FSTL4: variants seen among roughly 807,000 people sequenced by gnomAD.
FSTL4 encodes follistatin-related protein 4.
FSTL4 carries 28 observed loss-of-function variants against 78.2 expected under a neutral mutation model. That is an observed-to-expected ratio of 0.36 (90% CI 0.27 to 0.49). The LOEUF is 0.49. Among genes scored for constraint, FSTL4 ranks in the 20% least tolerant of loss-of-function variants. FSTL4 has a pLI of 0.98. For synonymous variants in FSTL4, 422 were observed against 440.5 expected, an observed-to-expected ratio of 0.96 and a Z score of 0.53; for missense variants, 922 against 1,084.9, an observed-to-expected ratio of 0.85 and a Z score of 2.11.
chr5:133,217,864 C>T (rs757387338), intron 12 of FSTL4, among the ~76,000 whole-genome samples: 14 of 152,120 alleles, frequency 9.2e-5, no homozygotes, highest in Non-Finnish European at 2.1e-4. Context: ...CCTCCCTCGG[C>T]GGCTGATCCT....
At chr5:133,364,312 G>GT (rs1755132266) in intron 4 of FSTL4, among the ~76,000 whole-genome samples, 1 of 152,164 alleles carries the variant, frequency 6.6e-6, no homozygotes, top group Non-Finnish European at 1.5e-5. Flanking sequence ...GGTGGTGGTG[G>GT]TCACAAGTAA....
At chr5:133,249,698 A>G in intron 6 of FSTL4, 122 bp from the exon 7 acceptor site, 1 of 693,526 alleles carries the variant, frequency 1.4e-6, no homozygotes, top group South Asian at 1.9e-5. Flanking sequence ...CGACTCCCTG[A>G]AAATTGTTTA....
intron 3 of FSTL4, among the ~76,000 whole-genome samples, chr5:133,445,823 T>TTGGGGATTATTTAAG (rs1184679855): frequency 6.6e-6 from 1 of 152,144 alleles, no homozygotes; most frequent in Non-Finnish European, 1.5e-5. Flanking sequence ...GAATTTATAC[T>TTGGGGATTATTTAAG]TGAGTTTTAA....
intron 3 of FSTL4, among the ~76,000 whole-genome samples, chr5:133,561,120 T>C (rs1037409935): frequency 2.7e-5 from 4 of 147,210 alleles, no homozygotes; most frequent in Admixed American, 6.8e-5. Context: ...ATAATAATAA[T>C]AATAATAATA....
chr5:133,409,536 AC>A (rs1275697882), intron 3 of FSTL4, among the ~76,000 whole-genome samples: 2 of 152,014 alleles, frequency 1.3e-5, no homozygotes, highest in African/African-American at 2.4e-5. Flanking sequence ...TGGCCTGAGG[AC>A]CCCCGCTCCT....
intron 6 of FSTL4, among the ~76,000 whole-genome samples, chr5:133,283,820 C>G (rs1753066231): frequency 6.6e-6 from 1 of 152,192 alleles, no homozygotes; most frequent in African/African-American, 2.4e-5. Flanking sequence ...TTAGTTGATT[C>G]ACAGTTCCTC....
At chr5:133,617,458 GA>G (rs1469279836), upstream of FSTL4, among the ~76,000 whole-genome samples, 1 of 152,188 alleles carries the variant, frequency 6.6e-6, no homozygotes, top group Non-Finnish European at 1.5e-5. Context: ...TTAATGCCCT[GA>G]GGGCTGGACT....
At chr5:133,508,094 C>T (rs553025946) in intron 3 of FSTL4, among the ~76,000 whole-genome samples, 2 of 151,976 alleles carry the variant, frequency 1.3e-5, no homozygotes, top group Non-Finnish European at 2.9e-5. Context: ...TGAGTGTGGG[C>T]CCTCTAATTA....
At chr5:133,663,281 G>A in the FSTL4 span, among the ~76,000 whole-genome samples, 3 of 152,180 alleles carry the variant, frequency 2.0e-5, no homozygotes, top group East Asian at 1.9e-4. Flanking sequence ...ACTGTCCCAC[G>A]CACAGTTTAG....
At chr5:133,600,146 A>G (rs1485460568) in intron 2 of FSTL4, among the ~76,000 whole-genome samples, 1 of 152,244 alleles carries the variant, frequency 6.6e-6, no homozygotes, top group Non-Finnish European at 1.5e-5. Context: ...AAGTGCCCAT[A>G]CATCCCTTCT....
chr5:133,541,033 C>T (rs1267789130), intron 3 of FSTL4, among the ~76,000 whole-genome samples: 13 of 152,112 alleles, frequency 8.5e-5, no homozygotes, highest in Non-Finnish European at 1.6e-4. Context: ...TGCCTCCTGC[C>T]ACCAAAACCA....
At position 133,542,113 on chromosome 5, in the gene FSTL4, TA is replaced by T. The variant is rs1026564447; in HGVS notation, c.160+25072del. ...ATACATTTATTATTTGCTACTGGTT[TA>T]AAAAAAATGGTGTTTGAAGTTAAAG... On this transcript the variant is annotated intron_variant, in intron 3 of 15. Coordinates refer to ENST00000265342, the MANE Select transcript of FSTL4 (RefSeq NM_015082.2). 4.6e-5 allele frequency among the ~76,000 whole-genome samples: 7 copies of T among 152,288 alleles called. No individual in the cohort carries two copies. In the East Asian group the frequency reaches 5.8e-4, roughly 13 times the overall value.
intron 3 of FSTL4, among the ~76,000 whole-genome samples, chr5:133,471,409 G>T (rs982402858): frequency 2.6e-5 from 4 of 152,126 alleles, no homozygotes; most frequent in South Asian, 4.2e-4. Flanking sequence ...AACCCCCAAG[G>T]TGATGGTATT....
Position 133,440,531 on chromosome 5 carries a change from A to G in FSTL4, c.161-39545T>C, listed in dbSNP as rs947270053. On this transcript the variant is annotated intron_variant, in intron 3 of 15. Transcript: ENST00000265342. This position sits in a 1 kb window ranked among gnomAD's most constrained non-coding sequence, Gnocchi z 4.1. ...ACTTTAAATTCAACTTCCTGGGAGA[A>G]GCAGTCGGTACTGGACTTAGCTTAT... 6.6e-6 allele frequency among the ~76,000 whole-genome samples: 1 copy of G among 152,204 alleles called. No homozygotes were observed. Among genetic ancestry groups the G allele is most frequent in the African/African-American group, 2.4e-5 (1 of 41,450 alleles).
intron 3 of FSTL4, among the ~76,000 whole-genome samples, chr5:133,451,637 G>C (rs962570835): frequency 1.1e-4 from 17 of 152,138 alleles, no homozygotes; most frequent in African/African-American, 3.6e-4. Context: ...CACATGTGTG[G>C]AGCAGAGCCA....
At chr5:133,299,005 A>C (rs532248910) in intron 6 of FSTL4, among the ~76,000 whole-genome samples, 1 of 152,348 alleles carries the variant, frequency 6.6e-6, no homozygotes, top group South Asian at 2.1e-4. Flanking sequence ...CAGAGCTTGT[A>C]AGGGCCTGAG....
At chr5:133,674,646 C>T in the FSTL4 span, among the ~76,000 whole-genome samples, 7 of 151,380 alleles carry the variant, frequency 4.6e-5, no homozygotes, top group East Asian at 3.9e-4. Flanking sequence ...AAAACCGAAC[C>T]GATGCATGAG....
At chr5:133,678,914 G>A in the FSTL4 span, among the ~76,000 whole-genome samples, 5 of 152,124 alleles carry the variant, frequency 3.3e-5, no homozygotes, top group African/African-American at 1.2e-4. Context: ...GGCAGGATAC[G>A]GACAGAGAAT....
chr5:133,672,893 C>T, the FSTL4 span, among the ~76,000 whole-genome samples: 2 of 152,270 alleles, frequency 1.3e-5, no homozygotes, highest in East Asian at 1.9e-4. Context: ...GAAGTCCTGA[C>T]GACATGTGCC....
Sources: gnomAD v4.1 joint callset for allele counts (sites outside exome capture counted in the v4.1 genomes callset) on GRCh38, gnomAD v4.1.1 for gene constraint, Gnocchi (gnomAD v3.1) non-coding constraint, MANE v1.5 for transcripts, NCBI Gene and HGNC (gene_info 2026-07-23, HGNC 2026-07-21) for gene names.